ADAMTS9: variants seen among roughly 807,000 people sequenced by gnomAD.
The protein encoded by ADAMTS9 is A disintegrin and metalloproteinase with thrombospondin motifs 9.
Under a neutral mutation model 257.1 loss-of-function variants are expected in ADAMTS9, and 107 were observed. The observed-to-expected ratio is 0.42, with a 90% CI of 0.36 to 0.49. The LOEUF (loss-of-function observed/expected upper bound fraction) is 0.49. Ranked by LOEUF, ADAMTS9 falls within the 20% of genes least tolerant of loss-of-function variation. The probability of loss-of-function intolerance (pLI) is 0.03; values close to 1 mark genes in which losing one functional copy is unlikely to be tolerated. For missense variants in ADAMTS9, 2,353 were observed against 2,469.1 expected, an observed-to-expected ratio of 0.95 and a Z score of 1.00; for synonymous variants, 982 against 880.9, an observed-to-expected ratio of 1.11 and a Z score of -2.03.
At chr3:64,596,182 G>A (rs972941677) in intron 27 of ADAMTS9, among the ~76,000 whole-genome samples, 2 of 152,092 alleles carry the variant, frequency 1.3e-5, no homozygotes, top group Admixed American at 1.3e-4. Flanking sequence ...TAAATATTTG[G>A]CAAAGATACT....
At chr3:64,667,425 T>G (rs1488041819) in intron 3 of ADAMTS9, among the ~76,000 whole-genome samples, 2 of 152,268 alleles carry the variant, frequency 1.3e-5, no homozygotes, top group East Asian at 3.9e-4. Flanking sequence ...TCACTAGAAC[T>G]ATAACAAGAC....
chr3:64,663,622 A>T (rs1486038966), intron 3 of ADAMTS9, among the ~76,000 whole-genome samples: 1 of 152,158 alleles, frequency 6.6e-6, no homozygotes, highest in African/African-American at 2.4e-5. Flanking sequence ...CATTAATCAG[A>T]AAAAGGCTAC....
At chr3:64,546,732 A>G in intron 32 of ADAMTS9, 26 bp downstream of exon 32, 1 of 1,561,246 alleles carries the variant, frequency 6.4e-7, no homozygotes, top group Non-Finnish European at 8.7e-7. Flanking sequence ...GGGCTTTCAG[A>G]TTTGAGTGCT....
chr3:64,570,767 G>C (rs1403866527), intron 28 of ADAMTS9, among the ~76,000 whole-genome samples: 2 of 151,692 alleles, frequency 1.3e-5, no homozygotes, highest in African/African-American at 4.8e-5. Flanking sequence ...CTCTAGGGTG[G>C]AGAGGAAAGG....
In ADAMTS9 at chr3:64,632,000, T is replaced by C. The variant is rs114675451; in HGVS notation, c.2176-75A>G. On this transcript the variant is annotated intron_variant, in intron 14 of 39. Coordinates refer to ENST00000498707, the MANE Select transcript of ADAMTS9 (RefSeq NM_182920.2). ...AAAATGGCAAATAATGTGTTTCTTT[T>C]AATCGTGTGCACTAAAAATGACAAG... The C allele has an allele frequency of 1.6e-3, 1,872 of 1,150,174 alleles. 1 individual carries two copies. The highest frequency in any genetic ancestry group is 2.0e-3 in the Non-Finnish European group (1,557 of 785,488). 71.2% of individuals were successfully genotyped at this position (1,150,174 alleles called of 1,614,324 possible). A position where few individuals can be genotyped will look rare whatever the true frequency, so the allele number is the denominator to read the frequency against.
intron 37 of ADAMTS9, among the ~76,000 whole-genome samples, chr3:64,535,511 T>G (rs2083037893): frequency 1.3e-5 from 2 of 151,892 alleles, no homozygotes; most frequent in Non-Finnish European, 2.9e-5. Context: ...GGATTCTGTA[T>G]GTTGCATTAT....
At chr3:64,634,423 T>C (rs1189989643) in intron 12 of ADAMTS9, among the ~76,000 whole-genome samples, 2 of 152,252 alleles carry the variant, frequency 1.3e-5, no homozygotes, top group Non-Finnish European at 2.9e-5. Context: ...TTTGCTTTTT[T>C]GTTTCACAAA....
At chr3:64,561,482 C>T in intron 30 of ADAMTS9, 96 bp downstream of exon 30, 10 of 1,373,660 alleles carry the variant, frequency 7.3e-6, no homozygotes, top group Non-Finnish European at 9.9e-6. Flanking sequence ...TAACCGTGCT[C>T]GGTGACTTCT....
Position 64,516,503 on chromosome 3 carries a change from T to C in ADAMTS9, c.*624A>G, listed in dbSNP as rs1263354508. ...CTCCCTTTCATTAAAAGTGTTTATATTTCTGAGTCGGATGATCATTTAAAT... is the reference window on the plus strand; with the variant it reads ...CTCCCTTTCATTAAAAGTGTTTATACTTCTGAGTCGGATGATCATTTAAAT... On this transcript the variant is annotated 3_prime_UTR_variant, in exon 40 of 40. Coordinates refer to ENST00000498707, the MANE Select transcript of ADAMTS9 (RefSeq NM_182920.2). The C allele has an allele frequency of 6.6e-6, 1 of 152,650 alleles. No individual in the cohort carries two copies. Among genetic ancestry groups the C allele is most frequent in the Admixed American group, 6.5e-5 (1 of 15,280 alleles). The allele number at this position is 152,650 out of a possible 1,614,324, so 9.5% of individuals were successfully genotyped here. A position where few individuals can be genotyped will look rare whatever the true frequency, so the allele number is the denominator to read the frequency against.
At chr3:64,650,865 AG>A (rs1559810940) in intron 9 of ADAMTS9, 151 bp downstream of exon 9, 4 of 660,344 alleles carry the variant, frequency 6.1e-6, no homozygotes, top group Non-Finnish European at 4.7e-6. Flanking sequence ...GATGTCAGAG[AG>A]CTTTTTTTTT....
chr3:64,654,747 AC>A, intron 6 of ADAMTS9, 135 bp from the exon 7 acceptor site: 2 of 914,724 alleles, frequency 2.2e-6, no homozygotes, highest in Non-Finnish European at 3.3e-6. Context: ...AATTCATAAG[AC>A]CAGAGTTTCA....
rs778459108 is a variant in ADAMTS9 at position 64,550,130 on chromosome 3, A to T, written c.4869+762T>A. On this transcript the variant is annotated intron_variant, in intron 31 of 39. Coordinates refer to ENST00000498707, the MANE Select transcript of ADAMTS9 (RefSeq NM_182920.2). ...AGATATGAACATATTACGATGTTTG[A>T]AAATAATATAATCATGCTATGATTA... 4.0e-4 allele frequency: 61 copies of T among 152,326 alleles called. 1 individual carries two copies. The Middle Eastern group carries it at 0.01, about 25-fold the overall frequency. The allele number at this position is 152,326 out of a possible 1,614,324, so 9.4% of individuals were successfully genotyped here.
In ADAMTS9 at chr3:64,541,161, A is replaced by G. The variant is rs1256395632; in HGVS notation, c.5455T>C (p.Tyr1819His). Residue 1819 changes from tyrosine to histidine, a missense_variant, in exon 36 of 40, where the codon TAC becomes CAC. Coordinates refer to ENST00000498707, the MANE Select transcript of ADAMTS9 (RefSeq NM_182920.2). ...AAACTGGAAAACCCAGCGGCCGTGT[A>G]ATCCTTCCGACATTGGCAGTCATCG... ...RRDDCQCRKD[Y>H]TAAGFSSFQK... 18 of 1,614,224 alleles carry G rather than the reference A, an allele frequency of 1.1e-5. No individual in the cohort carries two copies. The highest frequency in any genetic ancestry group is 1.5e-5 in the Non-Finnish European group (18 of 1,180,020).
chr3:64,564,477 A>G (rs73832330), intron 29 of ADAMTS9, among the ~76,000 whole-genome samples: 4,799 of 152,282 alleles, frequency 0.032, 242 homozygotes, highest in African/African-American at 0.11. Flanking sequence ...AACTATATAA[A>G]CCAACTTTTA....
chr3:64,571,236 G>C (rs886655120), intron 28 of ADAMTS9, among the ~76,000 whole-genome samples: 3 of 152,142 alleles, frequency 2.0e-5, no homozygotes, highest in Admixed American at 6.5e-5. Flanking sequence ...GACTTTATAT[G>C]CATCATCTAA....
At chr3:64,582,852 T>C (rs1462557936) in intron 28 of ADAMTS9, 1 of 152,190 alleles carries the variant, frequency 6.6e-6, no homozygotes, top group East Asian at 1.9e-4. Flanking sequence ...TCAGGTAAAA[T>C]GCTCACTAGA....
intron 30 of ADAMTS9, among the ~76,000 whole-genome samples, chr3:64,557,187 G>A (rs925950285): frequency 6.6e-6 from 1 of 152,128 alleles, no homozygotes; most frequent in African/African-American, 2.4e-5. Context: ...GTCAGAGGAA[G>A]GTGGTCTTAT....
chr3:64,676,211 T>A (rs1468162849), intron 3 of ADAMTS9, among the ~76,000 whole-genome samples: 7 of 152,166 alleles, frequency 4.6e-5, no homozygotes, highest in Non-Finnish European at 8.8e-5. Context: ...AAAGGACCGA[T>A]AATCTCCACT....
Position 64,641,929 on chromosome 3 carries a change from C to T in ADAMTS9, c.1775G>A (p.Gly592Glu), listed in dbSNP as rs756633085. The change falls in exon 12 of 40, where the codon GGA (glycine) becomes GAA (glutamate). Residue 592 changes from glycine to glutamate, a missense_variant. Gly to Glu is a moderately conservative substitution (Grantham distance 98). Around this residue, in one of 3 missense-constraint regions of ADAMTS9, gnomAD observed 360 missense variants for 458.1 expected, o/e 0.79. Transcript: ENST00000498707. ...GCAGGTTCCAAAGGGACTCCAACTT[C>T]CCCAGGATCCATCTGTCACGGGGAC... ...MDVPVTDGSWGSWSPFGTCSR... is the reference protein window; with the variant it reads ...MDVPVTDGSWESWSPFGTCSR... 5.6e-6 allele frequency: 9 copies of T among 1,614,002 alleles called. No individual in the cohort carries two copies. Among genetic ancestry groups the T allele is most frequent in the Non-Finnish European group, 7.6e-6 (9 of 1,179,996 alleles).
Sources: gnomAD v4.1 joint callset for allele counts (sites outside exome capture counted in the v4.1 genomes callset) on GRCh38, gnomAD v4.1.1 for gene constraint, gnomAD v4.1.1 regional missense constraint, MANE v1.5 for transcripts, NCBI Gene and HGNC (gene_info 2026-07-23, HGNC 2026-07-21) for gene names.